The following AFG2A variants were observed in gnomAD, a reference collection of about 807,000 sequenced individuals.
AFG2A encodes the protein ATPase family gene 2 protein homolog A.
chr4:123,053,535 A>G, the AFG2A span, among the ~76,000 whole-genome samples: 1 of 152,218 alleles, frequency 6.6e-6, no homozygotes, highest in African/African-American at 2.4e-5. Context: ...TGCATCACTC[A>G]GCTGGTCATT....
chr4:123,030,124 A>T, the AFG2A span, among the ~76,000 whole-genome samples: 1 of 152,168 alleles, frequency 6.6e-6, no homozygotes, highest in Admixed American at 6.5e-5. Context: ...CTACAATTGT[A>T]TATTCATAGT....
the AFG2A span, among the ~76,000 whole-genome samples, chr4:123,116,798 C>T: frequency 6.6e-6 from 1 of 152,148 alleles, no homozygotes; most frequent in Non-Finnish European, 1.5e-5. Flanking sequence ...ATATGGTGAT[C>T]TTGTGATACA....
chr4:122,976,549 A>G, the AFG2A span, among the ~76,000 whole-genome samples: 1 of 152,212 alleles, frequency 6.6e-6, no homozygotes, highest in East Asian at 1.9e-4. Context: ...TTTTTATGCT[A>G]TTCAATTGAT....
the AFG2A span, among the ~76,000 whole-genome samples, chr4:123,047,243 C>A: frequency 1.3e-5 from 2 of 152,200 alleles, no homozygotes; most frequent in African/African-American, 2.4e-5. Context: ...CCTTTCTCTG[C>A]ATCTTCTCCA....
the AFG2A span, among the ~76,000 whole-genome samples, chr4:123,169,066 T>A: frequency 2.8e-3 from 422 of 152,276 alleles, 2 homozygotes; most frequent in African/African-American, 9.6e-3. Flanking sequence ...GCTTATAACA[T>A]TCTCAGAGGG....
the AFG2A span, among the ~76,000 whole-genome samples, chr4:123,022,208 G>A: frequency 6.6e-6 from 1 of 151,668 alleles, no homozygotes; most frequent in African/African-American, 2.4e-5. Context: ...AAACTAAAGA[G>A]CTTCTGCACA....
the AFG2A span, among the ~76,000 whole-genome samples, chr4:123,158,796 A>G: frequency 1.3e-5 from 2 of 152,234 alleles, no homozygotes; most frequent in African/African-American, 4.8e-5. Context: ...CAGGTTGCAA[A>G]TACCAAACGG....
At chr4:123,201,861 G>C in the AFG2A span, among the ~76,000 whole-genome samples, 5 of 152,150 alleles carry the variant, frequency 3.3e-5, no homozygotes, top group Admixed American at 2.0e-4. Context: ...GGTCGAGGCT[G>C]CAGTGGGCTG....
the AFG2A span, among the ~76,000 whole-genome samples, chr4:123,021,107 C>A: frequency 4.6e-5 from 7 of 152,040 alleles, no homozygotes; most frequent in African/African-American, 1.7e-4. Context: ...GAGAGTTGAG[C>A]TTTTTACCCC....
At chr4:123,026,729 C>A in the AFG2A span, among the ~76,000 whole-genome samples, 1 of 152,116 alleles carries the variant, frequency 6.6e-6, no homozygotes. Context: ...GTATTCGTTA[C>A]AACATGGGGT....
At chr4:123,103,727 A>G in the AFG2A span, among the ~76,000 whole-genome samples, 151 of 152,304 alleles carry the variant, frequency 9.9e-4, no homozygotes, top group African/African-American at 3.2e-3. Context: ...AACTTTATTT[A>G]TAACACCTAA....
the AFG2A span, among the ~76,000 whole-genome samples, chr4:122,946,018 T>C: frequency 6.6e-6 from 1 of 152,188 alleles, no homozygotes; most frequent in East Asian, 1.9e-4. Flanking sequence ...GGTTATAAAG[T>C]TGAAGAATTC....
the AFG2A span, among the ~76,000 whole-genome samples, chr4:123,024,410 T>G: frequency 6.6e-6 from 1 of 151,980 alleles, no homozygotes; most frequent in Non-Finnish European, 1.5e-5. Context: ...CAATTAGAGA[T>G]GTAGTTCTCC....
At chr4:123,269,354 C>G in the AFG2A span, among the ~76,000 whole-genome samples, 2 of 152,210 alleles carry the variant, frequency 1.3e-5, no homozygotes, top group East Asian at 3.9e-4. Context: ...AGCAAAAACA[C>G]TGCTGAACAC....
chr4:123,225,359 C>A, the AFG2A span, among the ~76,000 whole-genome samples: 1 of 152,266 alleles, frequency 6.6e-6, no homozygotes, highest in East Asian at 1.9e-4. Context: ...ACATTTAAGT[C>A]TTTAATCCAT....
chr4:122,988,454 A>G, the AFG2A span, among the ~76,000 whole-genome samples: 21 of 145,782 alleles, frequency 1.4e-4, no homozygotes, highest in Middle Eastern at 3.8e-3. Context: ...GCTGGAGGGT[A>G]GTAGTGTGAT....
the AFG2A span, among the ~76,000 whole-genome samples, chr4:123,234,711 T>A: frequency 2.6e-5 from 4 of 152,174 alleles, no homozygotes; most frequent in Non-Finnish European, 5.9e-5. Context: ...AAGCAAGGAA[T>A]ATGGCTTCTA....
At chr4:123,213,270 T>C in the AFG2A span, among the ~76,000 whole-genome samples, 1 of 152,146 alleles carries the variant, frequency 6.6e-6, no homozygotes, top group Non-Finnish European at 1.5e-5. Flanking sequence ...TGGGTATATA[T>C]CCTGTATAGA....
At chr4:122,991,073 C>T in the AFG2A span, among the ~76,000 whole-genome samples, 2 of 152,142 alleles carry the variant, frequency 1.3e-5, no homozygotes, top group Non-Finnish European at 2.9e-5. Flanking sequence ...AACTTAGTTG[C>T]CATGGCTTGG....
Sources: allele counts gnomAD v4.1 joint callset (sites outside exome capture counted in the v4.1 genomes callset), GRCh38; gene constraint gnomAD v4.1.1; transcripts MANE v1.5; gene names NCBI Gene and HGNC (gene_info 2026-07-23, HGNC 2026-07-21).